Variants in SLC7A14 observed in about 807,000 individuals in gnomAD.
SLC7A14 encodes the protein gamma-aminobutyric acid transporter SLC7A14.
In SLC7A14, 37 loss-of-function variants were observed where a neutral mutation model predicts 60.2. The ratio of observed to expected loss-of-function variants is 0.61; its 90% CI spans 0.47 to 0.81. The LOEUF (loss-of-function observed/expected upper bound fraction) is 0.81, where lower values mean the gene tolerates loss of function less well. SLC7A14 is among the 30% of genes least tolerant of loss of function. SLC7A14 has a pLI of 0.00. For missense variants in SLC7A14, 886 were observed against 982.7 expected, an observed-to-expected ratio of 0.90 and a Z score of 1.32; for synonymous variants, 399 against 395.8, an observed-to-expected ratio of 1.01 and a Z score of -0.10.
Position 170,532,983 on chromosome 3 carries a change from A to G in SLC7A14, c.-152-5895T>C, listed in dbSNP as rs1713724589. Among the ~76,000 whole-genome samples the G allele has an allele frequency of 1.3e-5, 2 of 151,816 alleles. No individual in the cohort carries two copies. Among genetic ancestry groups the G allele is most frequent in the African/African-American group, 2.4e-5 (1 of 41,300 alleles). On this transcript the variant is annotated intron_variant, in intron 1 of 7. Coordinates refer to ENST00000231706, the MANE Select transcript of SLC7A14 (RefSeq NM_020949.3). This position sits in a 1 kb window ranked among gnomAD's most constrained non-coding sequence, Gnocchi z 4.0. ...GTTATGCCTCCTCTCATTCTTCTAT[A>G]CTTTTGACTTTTTTCCCCAAGATGC...
intron 1 of SLC7A14, among the ~76,000 whole-genome samples, chr3:170,544,657 G>T (rs6798724): frequency 0.33 from 50,156 of 152,076 alleles, 8,485 homozygotes; most frequent in East Asian, 0.46. Context: ...GAGAAGTATG[G>T]TTTCTACTGA....
chr3:170,574,112 T>A (rs908795534), intron 1 of SLC7A14, among the ~76,000 whole-genome samples: 1 of 152,220 alleles, frequency 6.6e-6, no homozygotes, highest in African/African-American at 2.4e-5. Context: ...AAGCCCTACC[T>A]GAGAAGCTAG....
intron 4 of SLC7A14, among the ~76,000 whole-genome samples, chr3:170,491,009 C>T (rs1182591767): frequency 6.6e-6 from 1 of 152,156 alleles, no homozygotes; most frequent in African/African-American, 2.4e-5. Flanking sequence ...CCTTCTACTC[C>T]CCTACCTTCC....
intron 7 of SLC7A14, 74 bp downstream of exon 7, chr3:170,480,215 A>C (rs1395357194): frequency 4.3e-5 from 62 of 1,451,288 alleles, no homozygotes; most frequent in Non-Finnish European, 2.0e-5. Context: ...TAGTCCAGCT[A>C]GGAGGTAATT....
In SLC7A14 at chr3:170,480,359, C is replaced by G. The variant is rs752805356; in HGVS notation, c.1923G>C (p.Leu641=). 2 of 1,600,814 alleles carry G rather than the reference C, an allele frequency of 1.2e-6. No homozygotes were observed. The highest frequency in any genetic ancestry group is 4.5e-5 in the East Asian group (2 of 44,722). ...GCTTTAGCATGAGATAGATGTTCACCAGCATGGCAAAGGCAGGCACAAAGG... is the reference window on the plus strand; with the variant it reads ...GCTTTAGCATGAGATAGATGTTCACGAGCATGGCAAAGGCAGGCACAAAGG... The part of the protein sequence containing the change: ...CLPFVPAFAM[L]VNIYLMLKLS... Residue 641 remains leucine (L), a synonymous_variant, in exon 7 of 8, where the codon CTG becomes CTC. Coordinates refer to ENST00000231706, the MANE Select transcript of SLC7A14 (RefSeq NM_020949.3).
chr3:170,560,186 A>G (rs1356813421), intron 1 of SLC7A14, among the ~76,000 whole-genome samples: 1 of 152,138 alleles, frequency 6.6e-6, no homozygotes, highest in Non-Finnish European at 1.5e-5. Context: ...AGAAAGAAAA[A>G]TTTCTTTTCT....
chr3:170,584,979 T>C (rs1378776208), intron 1 of SLC7A14, among the ~76,000 whole-genome samples: 3 of 152,124 alleles, frequency 2.0e-5, no homozygotes, highest in South Asian at 2.1e-4. Flanking sequence ...GCCCCGCTGC[T>C]CTAGCCTTCC....
intron 1 of SLC7A14, among the ~76,000 whole-genome samples, chr3:170,569,207 G>GT (rs1462822760): frequency 1.3e-5 from 2 of 152,074 alleles, no homozygotes; most frequent in African/African-American, 4.8e-5. Context: ...TTTATTGAGA[G>GT]TTTTTAGCAT....
chr3:170,495,882 C>T lies in SLC7A14; in HGVS notation c.759+2785G>A, dbSNP rs192456853. ...CTACATGAACAACCTTAGGCGGCAGCTGGAGGCTCTGGGCTAGGAGAAGCT... is the reference window on the plus strand; with the variant it reads ...CTACATGAACAACCTTAGGCGGCAGTTGGAGGCTCTGGGCTAGGAGAAGCT... On this transcript the variant is annotated intron_variant, in intron 4 of 7. Coordinates refer to ENST00000231706, the MANE Select transcript of SLC7A14 (RefSeq NM_020949.3). The T allele has an allele frequency of 3.9e-4, 519 of 1,342,220 alleles. 2 individuals carry two copies. The African/African-American group carries it at 6.8e-3, about 18-fold the overall frequency. The allele number at this position is 1,342,220 out of a possible 1,614,324, so 83.1% of individuals were successfully genotyped here. A position where few individuals can be genotyped will look rare whatever the true frequency, so the allele number is the denominator to read the frequency against.
intron 1 of SLC7A14, among the ~76,000 whole-genome samples, chr3:170,579,113 C>T (rs747306918): frequency 6.6e-6 from 1 of 152,150 alleles, no homozygotes; most frequent in Non-Finnish European, 1.5e-5. Context: ...AACTCATAGA[C>T]TAAACAAGTT....
At chr3:170,476,694 CTTTTCTCAACA>C (rs1471256906) in intron 7 of SLC7A14, 1 of 152,212 alleles carries the variant, frequency 6.6e-6, no homozygotes, top group African/African-American at 2.4e-5. Context: ...TTTCTTGTTG[CTTTTCTCAACA>C]TTTTCTCATT....
chr3:170,498,625 AGAGT>A, intron 4 of SLC7A14, 38 bp downstream of exon 4: 1 of 1,590,284 alleles, frequency 6.3e-7, no homozygotes, highest in South Asian at 1.1e-5. Flanking sequence ...GGTAGAAGGC[AGAGT>A]GTGTGACAGG....
chr3:170,549,298 G>A (rs893609477), intron 1 of SLC7A14, among the ~76,000 whole-genome samples: 9 of 143,726 alleles, frequency 6.3e-5, no homozygotes, highest in African/African-American at 2.1e-4. Flanking sequence ...CACTGCAACC[G>A]CTGCCTCCCG....
chr3:170,508,893 G>C (rs1012167142), intron 2 of SLC7A14, among the ~76,000 whole-genome samples: 1 of 152,180 alleles, frequency 6.6e-6, no homozygotes, highest in African/African-American at 2.4e-5. Context: ...GTGACACTGA[G>C]CTCCATATGG....
At chr3:170,542,774 T>G (rs1049951255) in intron 1 of SLC7A14, among the ~76,000 whole-genome samples, 1 of 152,202 alleles carries the variant, frequency 6.6e-6, no homozygotes, top group Non-Finnish European at 1.5e-5. Context: ...TATAAGAAGA[T>G]TTCAAAAGAT....
At chr3:170,533,650 A>AGT (rs55850380) in intron 1 of SLC7A14, among the ~76,000 whole-genome samples, 51,521 of 148,868 alleles carry the variant, frequency 0.35, 8,769 homozygotes, top group East Asian at 0.39. Context: ...CATCTGGCCC[A>AGT]GTGTGTGTGT....
intron 6 of SLC7A14, 51 bp downstream of exon 6, chr3:170,483,263 C>A: frequency 6.2e-7 from 1 of 1,601,948 alleles, no homozygotes; most frequent in Non-Finnish European, 8.5e-7. Context: ...AGACATTCTC[C>A]CTGGACAGAC....
At chr3:170,497,108 A>AAAG (rs1712430337) in intron 4 of SLC7A14, among the ~76,000 whole-genome samples, 1 of 133,194 alleles carries the variant, frequency 7.5e-6, no homozygotes, top group African/African-American at 3.9e-5. Context: ...AAAAAAAAAA[A>AAAG]AAGAAAGAAA....
chr3:170,493,221 A>G (rs1712274678), intron 4 of SLC7A14, among the ~76,000 whole-genome samples: 1 of 152,248 alleles, frequency 6.6e-6, no homozygotes, highest in Non-Finnish European at 1.5e-5. Context: ...TACTTGATAT[A>G]GGGAAAAATG....
Sources: allele counts gnomAD v4.1 joint callset (sites outside exome capture counted in the v4.1 genomes callset), GRCh38; gene constraint gnomAD v4.1.1; non-coding constraint Gnocchi (gnomAD v3.1); transcripts MANE v1.5; gene names NCBI Gene and HGNC (gene_info 2026-07-23, HGNC 2026-07-21).